The following ZBTB20 variants were observed in gnomAD, a reference collection of about 807,000 sequenced individuals.
ZBTB20 encodes zinc finger and BTB domain-containing protein 20.
ZBTB20 carries 9 observed loss-of-function variants against 56.9 expected under a neutral mutation model. That is an observed-to-expected ratio of 0.16 (90% CI 0.10 to 0.28). ZBTB20 has a LOEUF of 0.28. Among genes scored for constraint, ZBTB20 ranks in the 10% least tolerant of loss-of-function variants. ZBTB20 has a pLI of 1.00. For missense variants in ZBTB20, 655 were observed against 1,003.0 expected (o/e 0.65, Z 4.69); for synonymous variants, 417 against 420.7 (o/e 0.99, Z 0.11).
chr3:114,495,084 T>C (rs1301518837), intron 7 of ZBTB20, among the ~76,000 whole-genome samples: 1 of 152,174 alleles, frequency 6.6e-6, no homozygotes, highest in African/African-American at 2.4e-5. Context: ...GACTGTATCA[T>C]TCCTTTTGGA....
chr3:115,078,593 A>ATGTG (rs1402154850), intron 1 of ZBTB20, among the ~76,000 whole-genome samples: 1 of 76,658 alleles, frequency 1.3e-5, no homozygotes, highest in Non-Finnish European at 2.7e-5. Flanking sequence ...ATCAGTAAGA[A>ATGTG]TATGTGTGTG....
intron 3 of ZBTB20, among the ~76,000 whole-genome samples, chr3:114,962,673 G>A (rs745409186): frequency 3.3e-5 from 5 of 152,058 alleles, no homozygotes; most frequent in Non-Finnish European, 5.9e-5. Context: ...ATAGTAGCAG[G>A]AGACCAGTTA....
chr3:115,068,061 T>G (rs913160463), intron 2 of ZBTB20, among the ~76,000 whole-genome samples: 6 of 151,874 alleles, frequency 4.0e-5, no homozygotes, highest in African/African-American at 9.7e-5. Flanking sequence ...CAATGGGTTC[T>G]GAATATCATG....
chr3:114,392,436 T>C (rs1265913976), intron 7 of ZBTB20, among the ~76,000 whole-genome samples: 1 of 152,016 alleles, frequency 6.6e-6, no homozygotes, highest in East Asian at 1.9e-4. Context: ...TAAAAACAAA[T>C]AAAATGTTAA....
rs562358560 is a variant in ZBTB20 at position 114,330,079 on chromosome 3, G to T, written c.*8926C>A. The T allele has an allele frequency of 6.6e-6, 1 of 152,138 alleles. No individual in the cohort carries two copies. The highest frequency in any genetic ancestry group is 2.1e-4 in the South Asian group (1 of 4,816). 9.4% of individuals were successfully genotyped at this position (152,138 alleles called of 1,614,324 possible). A position where few individuals can be genotyped will look rare whatever the true frequency, so the allele number is the denominator to read the frequency against. ...TCTTTTGTTCTTCAGATATTGAGTG[G>T]GTCAGCTAAACAAGATCACTTTGAA... is the stretch of plus-strand genomic sequence containing the variant. On this transcript the variant is annotated 3_prime_UTR_variant, in exon 12 of 12. Transcript: ENST00000675478.
intron 6 of ZBTB20, among the ~76,000 whole-genome samples, chr3:114,569,915 A>G (rs559716669): frequency 6.6e-6 from 1 of 152,282 alleles, no homozygotes; most frequent in South Asian, 2.1e-4. Flanking sequence ...ACATACTTCT[A>G]GAACTATAAA....
intron 4 of ZBTB20, among the ~76,000 whole-genome samples, chr3:114,865,033 A>T (rs1017393511): frequency 6.6e-6 from 1 of 152,104 alleles, no homozygotes; most frequent in Non-Finnish European, 1.5e-5. Flanking sequence ...GATGACAACC[A>T]ACTTCTCATT....
chr3:115,081,259 C>A lies in ZBTB20; in HGVS notation c.-702-9845G>T, dbSNP rs372052556. On this transcript the variant is annotated intron_variant, in intron 1 of 11. Transcript: ENST00000675478. ...TAAATCTCAAAATTGTTGAGTAGAA[C>A]AAACTTTAACAGTTTCTCTTCCTTC... 2.3e-3 allele frequency among the ~76,000 whole-genome samples: 353 copies of A among 152,180 alleles called. 2 individuals are homozygous for A. Among genetic ancestry groups the A allele is most frequent in the African/African-American group, 8.4e-3 (347 of 41,538 alleles).
intron 4 of ZBTB20, among the ~76,000 whole-genome samples, chr3:114,887,772 C>T (rs1387294164): frequency 6.6e-6 from 1 of 151,980 alleles, no homozygotes; most frequent in African/African-American, 2.4e-5. Flanking sequence ...ACTACAGCAG[C>T]CATAGGTAAC....
chr3:114,482,938 A>G (rs1343084433), intron 7 of ZBTB20, among the ~76,000 whole-genome samples: 4 of 152,188 alleles, frequency 2.6e-5, no homozygotes, highest in Non-Finnish European at 5.9e-5. Flanking sequence ...AGCTTACTGT[A>G]TGCTTTATAC....
intron 5 of ZBTB20, among the ~76,000 whole-genome samples, chr3:114,741,906 C>T (rs2066625998): frequency 6.7e-6 from 1 of 149,804 alleles, no homozygotes; most frequent in Non-Finnish European, 1.5e-5. Flanking sequence ...GAAAAAAAGA[C>T]ATACAGAAGG....
intron 6 of ZBTB20, among the ~76,000 whole-genome samples, chr3:114,579,663 A>G (rs2054446937): frequency 6.6e-6 from 1 of 151,458 alleles, no homozygotes; most frequent in Non-Finnish European, 1.5e-5. Flanking sequence ...AAAGAAGTAA[A>G]TGAAACAGAA....
At chr3:114,375,745 C>T (rs2083544204) in intron 10 of ZBTB20, 1 of 152,172 alleles carries the variant, frequency 6.6e-6, no homozygotes, top group Admixed American at 6.5e-5. Flanking sequence ...ATATCCCTTA[C>T]CCTATTTACA....
At chr3:114,797,280 C>T (rs1200903945) in intron 5 of ZBTB20, among the ~76,000 whole-genome samples, 2 of 151,674 alleles carry the variant, frequency 1.3e-5, no homozygotes, top group African/African-American at 4.8e-5. Flanking sequence ...TCATGACCTA[C>T]TAATGCGTTG....
At chr3:115,065,399 A>T (rs1237553233) in intron 2 of ZBTB20, among the ~76,000 whole-genome samples, 1 of 152,144 alleles carries the variant, frequency 6.6e-6, no homozygotes, top group Non-Finnish European at 1.5e-5. Flanking sequence ...CATTGACACA[A>T]CACTCTCCAG....
chr3:114,536,177 G>T (rs1022517331), intron 6 of ZBTB20, among the ~76,000 whole-genome samples: 1 of 152,148 alleles, frequency 6.6e-6, no homozygotes, highest in Admixed American at 6.6e-5. Flanking sequence ...TAAATAAAGG[G>T]TATTCAAATA....
intron 8 of ZBTB20, among the ~76,000 whole-genome samples, chr3:114,386,491 T>C (rs1375247203): frequency 6.6e-6 from 1 of 152,148 alleles, no homozygotes. Context: ...GACTGCCAGG[T>C]ACTAGCAGTA....
intron 6 of ZBTB20, among the ~76,000 whole-genome samples, chr3:114,503,532 T>C (rs13091290): frequency 0.39 from 59,807 of 152,020 alleles, 12,095 homozygotes; most frequent in African/African-American, 0.47. Flanking sequence ...ACCTAAGTGA[T>C]ATTCACCTTA....
chr3:114,528,799 A>C (rs898033086), intron 6 of ZBTB20: 3 of 152,206 alleles, frequency 2.0e-5, no homozygotes, highest in African/African-American at 4.8e-5. Context: ...TATCCAAGTA[A>C]GTAAATTGCT....
Sources: gnomAD v4.1 joint callset for allele counts (sites outside exome capture counted in the v4.1 genomes callset) on GRCh38, gnomAD v4.1.1 for gene constraint, MANE v1.5 for transcripts, NCBI Gene and HGNC (gene_info 2026-07-23, HGNC 2026-07-21) for gene names.